Variants in RALYL observed in about 807,000 individuals in gnomAD.
The protein encoded by RALYL is RALY RNA binding protein like.
RALYL carries 29 observed loss-of-function variants against 35.1 expected under a neutral mutation model. That is an observed-to-expected ratio of 0.83 (90% CI 0.61 to 1.13). The LOEUF (loss-of-function observed/expected upper bound fraction) is 1.13, where lower values mean the gene tolerates loss of function less well. Among genes scored for constraint, RALYL ranks in the 50% most tolerant of loss-of-function variants. The pLI, the probability that RALYL is intolerant of heterozygous loss-of-function variation, is 0.00. For missense variants in RALYL, 359 were observed against 360.4 expected (o/e 1.00, Z 0.03); for synonymous variants, 120 against 127.6 (o/e 0.94, Z 0.40).
chr8:84,269,009 G>A (rs1393461123), intron 1 of RALYL, among the ~76,000 whole-genome samples: 2 of 152,122 alleles, frequency 1.3e-5, no homozygotes, highest in Non-Finnish European at 2.9e-5. Context: ...AGATAAAAGA[G>A]TACTGAGTAG....
intron 2 of RALYL, among the ~76,000 whole-genome samples, chr8:84,588,983 C>T (rs187862531): frequency 2.1e-3 from 325 of 152,130 alleles, no homozygotes; most frequent in Middle Eastern, 0.014. Context: ...CTGCAACCTC[C>T]GCCTCCTGGG....
Position 84,425,615 on chromosome 8 carries a change from A to G in RALYL, c.-23-103684A>G, listed in dbSNP as rs547965961. ...GAACTCTTATACAGCCACTTGTCCA[A>G]TTTTCCAAAACAGCAATTCTAAACT... On this transcript the variant is annotated intron_variant, in intron 1 of 8. Coordinates refer to ENST00000521268, the MANE Select transcript of RALYL (RefSeq NM_173848.7). Among the ~76,000 whole-genome samples the G allele has an allele frequency of 6.6e-5, 10 of 152,208 alleles. No homozygotes were observed. The South Asian group carries it at 1.7e-3, about 25-fold the overall frequency.
intron 7 of RALYL, among the ~76,000 whole-genome samples, chr8:84,883,736 G>A (rs1002990468): frequency 3.3e-5 from 5 of 151,974 alleles, no homozygotes; most frequent in Admixed American, 2.6e-4. Flanking sequence ...AGGCTGTGTT[G>A]AAACCAAAAC....
At chr8:84,390,594 T>C (rs1324376469) in intron 1 of RALYL, among the ~76,000 whole-genome samples, 1 of 152,148 alleles carries the variant, frequency 6.6e-6, no homozygotes, top group African/African-American at 2.4e-5. Context: ...TCGAGGAATT[T>C]ATCCATTTCT....
At chr8:84,839,322 T>C (rs1458320290) in intron 4 of RALYL, among the ~76,000 whole-genome samples, 2 of 152,188 alleles carry the variant, frequency 1.3e-5, no homozygotes, top group Non-Finnish European at 2.9e-5. Flanking sequence ...GGAGATTATA[T>C]CCCGCACCTG....
chr8:84,184,943 A>G (rs1270388780), intron 1 of RALYL: 3 of 1,611,058 alleles, frequency 1.9e-6, no homozygotes, highest in Non-Finnish European at 2.5e-6. Flanking sequence ...ACATTTCCAG[A>G]GCCTTGAGGA....
chr8:84,828,880 C>A (rs576277336), intron 4 of RALYL: 2 of 152,960 alleles, frequency 1.3e-5, no homozygotes, highest in African/African-American at 4.8e-5. Flanking sequence ...CCACAGATTT[C>A]TTTGTATGCT....
At chr8:84,832,408 T>A (rs1831105489) in intron 4 of RALYL, among the ~76,000 whole-genome samples, 1 of 152,172 alleles carries the variant, frequency 6.6e-6, no homozygotes. Flanking sequence ...TTCTTTTTCA[T>A]CTTTTTTCTT....
intron 2 of RALYL, among the ~76,000 whole-genome samples, chr8:84,558,960 A>G (rs2061311252): frequency 6.6e-6 from 1 of 152,096 alleles, no homozygotes; most frequent in Non-Finnish European, 1.5e-5. Context: ...AATACTACAA[A>G]TAATATAGTA....
intron 1 of RALYL, among the ~76,000 whole-genome samples, chr8:84,469,252 T>C (rs569508039): frequency 6.6e-6 from 1 of 152,194 alleles, no homozygotes; most frequent in East Asian, 1.9e-4. Flanking sequence ...TTCTGTTCTG[T>C]TTTTTCCCCA....
chr8:84,256,217 T>G (rs1312170638), intron 1 of RALYL, among the ~76,000 whole-genome samples: 1 of 152,156 alleles, frequency 6.6e-6, no homozygotes, highest in Non-Finnish European at 1.5e-5. Flanking sequence ...ATATAAAGTC[T>G]TCAAATATTC....
intron 4 of RALYL, among the ~76,000 whole-genome samples, chr8:84,820,653 T>C (rs994040790): frequency 2.6e-5 from 4 of 152,020 alleles, no homozygotes; most frequent in African/African-American, 9.7e-5. Context: ...GTCATCTAGG[T>C]TTTAAGTCCT....
At chr8:84,406,525 TTGTGGA>T (rs1237010902) in intron 1 of RALYL, among the ~76,000 whole-genome samples, 24 of 151,888 alleles carry the variant, frequency 1.6e-4, no homozygotes, top group Admixed American at 5.9e-4. Flanking sequence ...TTCAAATATA[TTGTGGA>T]TCAGAAAGTG....
chr8:84,548,346 AC>A (rs1479715186), intron 2 of RALYL, among the ~76,000 whole-genome samples: 3 of 152,116 alleles, frequency 2.0e-5, no homozygotes, highest in Admixed American at 6.5e-5. Flanking sequence ...GTTTACAGAT[AC>A]CTTTTTCTCC....
intron 3 of RALYL, among the ~76,000 whole-genome samples, chr8:84,786,003 C>T (rs753465324): frequency 6.6e-6 from 1 of 152,092 alleles, no homozygotes; most frequent in Non-Finnish European, 1.5e-5. Context: ...GCCCATAGGC[C>T]CGAGTGTGTT....
intron 1 of RALYL, among the ~76,000 whole-genome samples, chr8:84,423,272 C>T (rs1158438889): frequency 6.6e-6 from 1 of 151,534 alleles, no homozygotes; most frequent in African/African-American, 2.4e-5. Flanking sequence ...GTTAGCTCTT[C>T]TTGTTGAATT....
chr8:84,433,061 T>G (rs955126899), intron 1 of RALYL, among the ~76,000 whole-genome samples: 1 of 152,174 alleles, frequency 6.6e-6, no homozygotes, highest in Non-Finnish European at 1.5e-5. Flanking sequence ...CAAAAGCGAT[T>G]GTTCCTATTT....
chr8:84,202,533 A>G (rs1028999675), intron 1 of RALYL, among the ~76,000 whole-genome samples: 1 of 151,846 alleles, frequency 6.6e-6, no homozygotes, highest in Non-Finnish European at 1.5e-5. Flanking sequence ...CACCACGCCC[A>G]GCTAATTTTT....
intron 4 of RALYL, among the ~76,000 whole-genome samples, chr8:84,845,509 T>C (rs1834450262): frequency 6.6e-6 from 1 of 152,214 alleles, no homozygotes; most frequent in Admixed American, 6.5e-5. Context: ...GCCTTCTTTT[T>C]AATAGGGTGG....
Sources: allele counts gnomAD v4.1 joint callset (sites outside exome capture counted in the v4.1 genomes callset), GRCh38; gene constraint gnomAD v4.1.1; transcripts MANE v1.5; gene names NCBI Gene and HGNC (gene_info 2026-07-23, HGNC 2026-07-21).